Variants in FARP1 observed in about 807,000 individuals in gnomAD.
The protein encoded by FARP1 is FERM, ARH/RhoGEF and pleckstrin domain protein 1.
In FARP1, 52 loss-of-function variants were observed where a neutral mutation model predicts 128.8. The observed-to-expected ratio is 0.40, with a 90% CI of 0.32 to 0.51. The LOEUF is 0.51. Ranked by LOEUF, FARP1 falls within the 20% of genes least tolerant of loss-of-function variation. The probability of loss-of-function intolerance (pLI) is 0.45; values close to 1 mark genes in which losing one functional copy is unlikely to be tolerated. For synonymous variants in FARP1, 580 were observed against 551.8 expected (o/e 1.05, Z -0.72); for missense variants, 1,333 against 1,367.9 (o/e 0.97, Z 0.40).
chr13:98,204,396 T>G (rs1361268008), intron 1 of FARP1, among the ~76,000 whole-genome samples: 1 of 152,214 alleles, frequency 6.6e-6, no homozygotes, highest in Non-Finnish European at 1.5e-5. Context: ...CATGAGGTAA[T>G]AGGTAACTTA....
At chr13:98,185,682 A>G (rs12428622) in intron 1 of FARP1, among the ~76,000 whole-genome samples, 6,965 of 150,340 alleles carry the variant, frequency 0.046, 207 homozygotes, top group African/African-American at 0.074. Flanking sequence ...TAAAATATGC[A>G]TAAAATTTGA....
At position 98,210,898 on chromosome 13, in the gene FARP1, G is replaced by A. The variant is rs116060140; in HGVS notation, c.-23-2322G>A. 2.7e-3 allele frequency among the ~76,000 whole-genome samples: 405 copies of A among 152,174 alleles called. 2 individuals are homozygous for A. Among genetic ancestry groups the A allele is most frequent in the African/African-American group, 9.0e-3 (373 of 41,512 alleles). On this transcript the variant is annotated intron_variant, in intron 1 of 26. Transcript: ENST00000319562. Reference sequence around the variant, plus strand: ...TGGTAGCTAACCATTTTTAACATTGGGTTAGTTTTTCCACAGAAGTAGATT... The same window carrying A: ...TGGTAGCTAACCATTTTTAACATTGAGTTAGTTTTTCCACAGAAGTAGATT...
In FARP1 at chr13:98,270,422, G is replaced by A. The variant is rs528974083; in HGVS notation, c.171+57009G>A. On this transcript the variant is annotated intron_variant, in intron 2 of 26. Coordinates refer to ENST00000319562, the MANE Select transcript of FARP1 (RefSeq NM_005766.4). The stretch of plus-strand genomic sequence containing the variant: ...TATGAACATGTAAGATTGCACATCT[G>A]GTTTTAAATGTGGACATGGGCATTG... Among the ~76,000 whole-genome samples, 9 of 152,222 alleles carry A rather than the reference G, an allele frequency of 5.9e-5. No individual in the cohort carries two copies. The South Asian group carries it at 6.2e-4, about 11-fold the overall frequency.
At chr13:98,429,231 G>C (rs1225277671) in intron 17 of FARP1, among the ~76,000 whole-genome samples, 1 of 152,208 alleles carries the variant, frequency 6.6e-6, no homozygotes, top group Admixed American at 6.5e-5. Flanking sequence ...GGCAGGCCCC[G>C]GAGTAACCCC....
At chr13:98,429,195 C>T (rs549995749) in intron 17 of FARP1, among the ~76,000 whole-genome samples, 39 of 152,242 alleles carry the variant, frequency 2.6e-4, no homozygotes, top group African/African-American at 7.0e-4. Flanking sequence ...GCAGTGAGTG[C>T]GGGAGGATGC....
chr13:98,225,823 G>A (rs1180533784), intron 2 of FARP1, among the ~76,000 whole-genome samples: 2 of 152,180 alleles, frequency 1.3e-5, no homozygotes, highest in African/African-American at 4.8e-5. Flanking sequence ...GCTGGATCCA[G>A]GGGCCTGGAG....
intron 1 of FARP1, among the ~76,000 whole-genome samples, chr13:98,166,724 C>CTT (rs60609331): frequency 0.045 from 6,205 of 137,048 alleles, 400 homozygotes; most frequent in African/African-American, 0.15. Flanking sequence ...GTTTTTCTTT[C>CTT]TTTTTTTTTT....
intron 2 of FARP1, among the ~76,000 whole-genome samples, chr13:98,256,613 G>A (rs1457250167): frequency 6.6e-6 from 1 of 150,766 alleles, no homozygotes; most frequent in African/African-American, 2.4e-5. Context: ...AGGCTGGAGT[G>A]CAGTGGCGTG....
intron 2 of FARP1, among the ~76,000 whole-genome samples, chr13:98,264,998 C>T (rs1385091451): frequency 6.6e-6 from 1 of 152,152 alleles, no homozygotes; most frequent in African/African-American, 2.4e-5. Flanking sequence ...TAGCATGGTA[C>T]TCAGCCAGGC....
chr13:98,268,971 A>T (rs1872581997), intron 2 of FARP1, among the ~76,000 whole-genome samples: 1 of 151,926 alleles, frequency 6.6e-6, no homozygotes, highest in Non-Finnish European at 1.5e-5. Context: ...GGCTCAAGGG[A>T]TACTCCTGCC....
At chr13:98,196,059 G>A (rs1879553469) in intron 1 of FARP1, among the ~76,000 whole-genome samples, 1 of 152,124 alleles carries the variant, frequency 6.6e-6, no homozygotes, top group African/African-American at 2.4e-5. Flanking sequence ...TATAGGTCTA[G>A]TAACAATTCT....
In FARP1 at chr13:98,452,963, G is replaced by T; in HGVS notation, c.*4646G>T. 2.1e-6 allele frequency: 1 copy of T among 476,042 alleles called. No homozygotes were observed. The highest frequency in any genetic ancestry group is 3.8e-5 in the Admixed American group (1 of 26,204). The allele number at this position is 476,042 out of a possible 1,614,324, so 29.5% of individuals were successfully genotyped here. ...AATAAAATAAAATGATCGCTGGAAG[G>T]AGCTGACCCTCCCCACCCATCTGAG... On this transcript the variant is annotated 3_prime_UTR_variant, in exon 27 of 27. Transcript: ENST00000319562.
chr13:98,153,688 C>T (rs1289912297), intron 1 of FARP1, among the ~76,000 whole-genome samples: 3 of 150,474 alleles, frequency 2.0e-5, no homozygotes. Flanking sequence ...CTCAGCCTCT[C>T]GAGTAGCTGG....
At chr13:98,310,536 A>G (rs1199862684) in intron 2 of FARP1, among the ~76,000 whole-genome samples, 8 of 152,194 alleles carry the variant, frequency 5.3e-5, no homozygotes, top group African/African-American at 1.9e-4. Context: ...CTATTTTGCT[A>G]ATTTATAAAG....
chr13:98,310,194 C>T (rs903647304), intron 2 of FARP1, among the ~76,000 whole-genome samples: 1 of 152,068 alleles, frequency 6.6e-6, no homozygotes, highest in South Asian at 2.1e-4. Context: ...GCCTCCCCTT[C>T]CCGACGGCAG....
chr13:98,179,402 CAT>C (rs1421785271), intron 1 of FARP1, among the ~76,000 whole-genome samples: 1 of 152,178 alleles, frequency 6.6e-6, no homozygotes, highest in Non-Finnish European at 1.5e-5. Context: ...TGGGTGGGGA[CAT>C]AGCCAAACCA....
At chr13:98,341,430 G>T (rs371767231) in intron 2 of FARP1, among the ~76,000 whole-genome samples, 1 of 152,052 alleles carries the variant, frequency 6.6e-6, no homozygotes, top group Non-Finnish European at 1.5e-5. Context: ...TCAGGAGTTC[G>T]AGACCAGCGT....
chr13:98,343,822 G>T lies in FARP1; in HGVS notation c.232G>T (p.Gly78Cys), dbSNP rs1888069651. ...TTGCAACCACCTCAACCTCGTGGAA[G>T]GTGACTATTTTGGCCTCGAGTTTCC... Reference protein sequence around the residue: ...AVCNHLNLVEGDYFGLEFPDH... With the variant: ...AVCNHLNLVECDYFGLEFPDH... Residue 78 changes from glycine to cysteine, a missense_variant, in exon 3 of 27, where the codon GGT becomes TGT. This residue lies in a region of FARP1 where 324 missense variants were observed against 398.1 expected (regional missense o/e 0.81). Coordinates refer to ENST00000319562, the MANE Select transcript of FARP1 (RefSeq NM_005766.4). 6.2e-7 allele frequency: 1 copy of T among 1,613,878 alleles called. No homozygotes were observed. The highest frequency in any genetic ancestry group is 2.2e-5 in the East Asian group (1 of 44,868).
chr13:98,307,548 G>C (rs1397287832), intron 2 of FARP1, among the ~76,000 whole-genome samples: 1 of 152,148 alleles, frequency 6.6e-6, no homozygotes, highest in Non-Finnish European at 1.5e-5. Flanking sequence ...CAGGCCTCGA[G>C]TCTTTGAGAT....
Sources: gnomAD v4.1 joint callset for allele counts (sites outside exome capture counted in the v4.1 genomes callset) on GRCh38, gnomAD v4.1.1 for gene constraint, gnomAD v4.1.1 regional missense constraint, MANE v1.5 for transcripts, NCBI Gene and HGNC (gene_info 2026-07-23, HGNC 2026-07-21) for gene names.